Variants in LARGE1 observed in about 807,000 individuals in gnomAD.
The protein encoded by LARGE1 is xylosyl- and glucuronyltransferase LARGE1.
Under a neutral mutation model 87.6 loss-of-function variants are expected in LARGE1, and 43 were observed. The observed-to-expected ratio is 0.49, with a 90% CI of 0.38 to 0.63. LARGE1 has a LOEUF of 0.63. LARGE1 is among the 30% of genes least tolerant of loss of function. The pLI, the probability that LARGE1 is intolerant of heterozygous loss-of-function variation, is 0.00. For synonymous variants in LARGE1, 434 were observed against 394.6 expected, an observed-to-expected ratio of 1.10 and a Z score of -1.18; for missense variants, 802 against 1,000.2, an observed-to-expected ratio of 0.80 and a Z score of 2.67.
intron 5 of LARGE1, among the ~76,000 whole-genome samples, chr22:33,602,805 G>A (rs554656746): frequency 6.6e-4 from 101 of 152,230 alleles, no homozygotes; most frequent in African/African-American, 2.4e-3. Context: ...GAGCCACTAC[G>A]CCCAGCACAC....
chr22:33,346,461 C>T (rs1230962717), intron 9 of LARGE1, among the ~76,000 whole-genome samples: 1 of 152,138 alleles, frequency 6.6e-6, no homozygotes, highest in South Asian at 2.1e-4. Flanking sequence ...CGCCGCCACG[C>T]CTGGCTATGT....
At chr22:33,358,484 C>T (rs369570365) in intron 9 of LARGE1, among the ~76,000 whole-genome samples, 1 of 152,160 alleles carries the variant, frequency 6.6e-6, no homozygotes, top group Non-Finnish European at 1.5e-5. Context: ...TGACACAACT[C>T]TAACTATTAT....
chr22:33,243,035 C>A (rs538793703), intron 11 of LARGE1, among the ~76,000 whole-genome samples: 1 of 152,130 alleles, frequency 6.6e-6, no homozygotes, highest in Non-Finnish European at 1.5e-5. Flanking sequence ...CACCTTTCTC[C>A]AGGATGACCT....
Position 33,873,988 on chromosome 22 carries a change from C to G in LARGE1, c.-83+46007G>C, listed in dbSNP as rs556047969. ...GCTGTATTCTCTCTCCCTCTCTCTC[C>G]CCCTCCTCCGTCTCTCTTCCCCTCC... On this transcript the variant is annotated intron_variant, in intron 1 of 14. Transcript: ENST00000397394. 1.8e-4 allele frequency among the ~76,000 whole-genome samples: 27 copies of G among 152,020 alleles called. 1 individual carries two copies. The highest frequency in any genetic ancestry group is 1.8e-3 in the Admixed American group (27 of 15,262).
chr22:33,440,090 C>A (rs1301902126), intron 6 of LARGE1, among the ~76,000 whole-genome samples: 2 of 152,148 alleles, frequency 1.3e-5, no homozygotes, highest in Admixed American at 1.3e-4. Flanking sequence ...GCCTACCTAG[C>A]CACAGAAATG....
chr22:33,198,009 G>A (rs76026298), intron 11 of LARGE1, among the ~76,000 whole-genome samples: 4,586 of 152,050 alleles, frequency 0.03, 95 homozygotes, highest in Admixed American at 0.057. Context: ...AACAAAAAGA[G>A]AAAATTTTTA....
At chr22:33,311,628 G>GTTGT (rs1340297936) in intron 11 of LARGE1, among the ~76,000 whole-genome samples, 1 of 152,200 alleles carries the variant, frequency 6.6e-6, no homozygotes, top group Non-Finnish European at 1.5e-5. Context: ...GGCTAAGTAA[G>GTTGT]TCGTTCAAAC....
At chr22:33,597,503 C>A (rs62227105) in intron 5 of LARGE1, among the ~76,000 whole-genome samples, 12,917 of 152,134 alleles carry the variant, frequency 0.085, 676 homozygotes, top group African/African-American at 0.14. Context: ...GATTACAGTT[C>A]TCTAAAGACA....
At chr22:33,247,008 C>T (rs1251042247) in intron 11 of LARGE1, among the ~76,000 whole-genome samples, 1 of 151,290 alleles carries the variant, frequency 6.6e-6, no homozygotes, top group Non-Finnish European at 1.5e-5. Context: ...GGTTGAAAGA[C>T]ACTGTGAAAA....
intron 7 of LARGE1, among the ~76,000 whole-genome samples, chr22:33,425,897 C>T (rs954830488): frequency 4.6e-5 from 7 of 151,992 alleles, no homozygotes; most frequent in Admixed American, 1.3e-4. Context: ...CCACCATGAC[C>T]GGCTAATTTA....
chr22:33,715,222 T>C (rs1476823521), intron 2 of LARGE1, among the ~76,000 whole-genome samples: 1 of 152,222 alleles, frequency 6.6e-6, no homozygotes, highest in Non-Finnish European at 1.5e-5. Flanking sequence ...AGGTCAGGCC[T>C]ACAACCCAGA....
intron 1 of LARGE1, among the ~76,000 whole-genome samples, chr22:33,871,916 T>A (rs2146680961): frequency 6.7e-6 from 1 of 150,156 alleles, no homozygotes; most frequent in East Asian, 1.9e-4. Flanking sequence ...TAACTAGCAA[T>A]GTTCATTAGT....
chr22:33,619,571 AG>A (rs2079681565), intron 4 of LARGE1, among the ~76,000 whole-genome samples: 2 of 151,016 alleles, frequency 1.3e-5, no homozygotes, highest in African/African-American at 2.4e-5. Context: ...AAAAAAAAAA[AG>A]AAAAAAAGAA....
chr22:33,596,527 G>A (rs554786034), intron 5 of LARGE1, among the ~76,000 whole-genome samples: 5 of 152,226 alleles, frequency 3.3e-5, no homozygotes, highest in East Asian at 1.9e-4. Flanking sequence ...CCAGACCTGC[G>A]CATAATATTT....
intron 2 of LARGE1, among the ~76,000 whole-genome samples, chr22:33,703,144 G>A (rs1378746898): frequency 6.6e-6 from 1 of 151,992 alleles, no homozygotes; most frequent in East Asian, 1.9e-4. Context: ...TGAACAATGA[G>A]AACACATGGA....
chr22:33,804,032 G>A (rs2086239962), intron 1 of LARGE1, among the ~76,000 whole-genome samples: 1 of 152,128 alleles, frequency 6.6e-6, no homozygotes, highest in Non-Finnish European at 1.5e-5. Flanking sequence ...ACTGTCTTCT[G>A]TACTCTCTTG....
chr22:33,666,339 G>C (rs2081267260), intron 2 of LARGE1, among the ~76,000 whole-genome samples: 1 of 152,202 alleles, frequency 6.6e-6, no homozygotes, highest in Admixed American at 6.5e-5. Context: ...AAGGAAAGAA[G>C]AATCAGAAAG....
chr22:33,120,358 TTTTCTTTCTTTCTTTCTTTCTTTC>T, the LARGE1 span, among the ~76,000 whole-genome samples: 1 of 118,686 alleles, frequency 8.4e-6, no homozygotes, highest in Non-Finnish European at 1.7e-5. Context: ...TTTTCTTTCT[TTTTCTTTCTTTCTTTCTTTCTTTC>T]TTTCTTTCTT....
chr22:33,557,706 C>T (rs1339893332), intron 6 of LARGE1, among the ~76,000 whole-genome samples: 1 of 152,190 alleles, frequency 6.6e-6, no homozygotes, highest in Admixed American at 6.5e-5. Flanking sequence ...GCTGGAATTA[C>T]AGGTGACTGC....
Sources: gnomAD v4.1 joint callset for allele counts (sites outside exome capture counted in the v4.1 genomes callset) on GRCh38, gnomAD v4.1.1 for gene constraint, MANE v1.5 for transcripts, NCBI Gene and HGNC (gene_info 2026-07-23, HGNC 2026-07-21) for gene names.